The following FANCM variants were observed in gnomAD, a reference collection of about 807,000 sequenced individuals.
FANCM encodes the protein FA complementation group M, also known as Fanconi anemia group M protein.
Under a neutral mutation model 199.5 loss-of-function variants are expected in FANCM, and 140 were observed. That is an observed-to-expected ratio of 0.70 (90% CI 0.61 to 0.81). The LOEUF (loss-of-function observed/expected upper bound fraction) is 0.81. FANCM is among the 30% of genes least tolerant of loss of function. The pLI is 0.00. For missense variants in FANCM, 2,410 were observed against 2,421.4 expected (o/e 1.00, Z 0.10); for synonymous variants, 840 against 836.8 (o/e 1.00, Z -0.07).
chr14:45,175,909 A>T lies in FANCM; in HGVS notation c.3155A>T (p.Asn1052Ile). 6.2e-7 allele frequency: 1 copy of T among 1,613,220 alleles called. No homozygotes were observed. Among genetic ancestry groups the T allele is most frequent in the Non-Finnish European group, 8.5e-7 (1 of 1,179,346 alleles). ...AVNSQQNLELNSLKCINYPSE... is the reference protein window; with the variant it reads ...AVNSQQNLELISLKCINYPSE... ...AATTCTCAACAGAATTTAGAATTGA[A>T]TTCACTTAAATGTATAAATTATCCA... The change falls in exon 14 of 23, where the codon AAT becomes ATT. Residue 1052 changes from asparagine (N) to isoleucine (I), a missense_variant. By Grantham distance (149) the Asn-to-Ile change is moderately radical. Coordinates refer to ENST00000267430, the MANE Select transcript of FANCM (RefSeq NM_020937.4).
Position 45,183,843 on chromosome 14 carries a change from G to A in FANCM, c.4456G>A (p.Val1486Ile), listed in dbSNP as rs192438733. The A allele has an allele frequency of 4.3e-6, 7 of 1,610,750 alleles. No individual in the cohort carries two copies. In the African/African-American group the frequency reaches 9.3e-5, roughly 21 times the overall value. ...ATGTTCACAATTAGAAGACTTCAAG[G>A]TTTGTAACGGGAATGCCAGAAGAGG... The part of the protein sequence containing the change: ...KPCSQLEDFK[V>I]CNGNARRGIK... The change falls in exon 17 of 23, where the codon GTT (valine) becomes ATT (isoleucine). Residue 1486 changes from valine (V) to isoleucine (I), a missense_variant. Physicochemically the swap from Val to Ile is conservative, Grantham distance 29. Transcript: ENST00000267430.
chr14:45,144,140 A>G (rs1267673228), intron 3 of FANCM, among the ~76,000 whole-genome samples: 1 of 152,196 alleles, frequency 6.6e-6, no homozygotes, highest in Non-Finnish European at 1.5e-5. Context: ...ACATCAGGCT[A>G]ATGGGGTATC....
chr14:45,167,159 G>A lies in FANCM; in HGVS notation c.1998G>A (p.Arg666=), dbSNP rs1000888534. The A allele has an allele frequency of 3.1e-6, 5 of 1,599,778 alleles. No individual in the cohort carries two copies. In the African/African-American group the frequency reaches 5.4e-5, roughly 17 times the overall value. ...GAAAGTCATCTATCTTTTCCTATAG[G>A]GATGGTAAATAAATTTTGCATTTGA... ...LQRKSSIFSY[R]DGMRQSSLKK... The change falls in exon 11 of 23, where the codon AGG becomes AGA. Residue 666 remains arginine, a synonymous_variant. Transcript: ENST00000267430.
intron 3 of FANCM, among the ~76,000 whole-genome samples, chr14:45,141,774 G>C (rs10137848): frequency 0.031 from 4,643 of 151,560 alleles, 234 homozygotes; most frequent in African/African-American, 0.11. Flanking sequence ...ATTTTTAGTA[G>C]ACACGGGGTT....
At chr14:45,143,757 G>A (rs1255884955) in intron 3 of FANCM, among the ~76,000 whole-genome samples, 6 of 147,868 alleles carry the variant, frequency 4.1e-5, no homozygotes, top group African/African-American at 1.5e-4. Flanking sequence ...GCAGTGGCGC[G>A]ATCTCGGCTC....
intron 2 of FANCM, chr14:45,137,505 T>C (rs1885608536): frequency 6.7e-6 from 3 of 446,432 alleles, no homozygotes; most frequent in South Asian, 6.6e-5. Flanking sequence ...GTGTCAGATG[T>C]AGATCATGAG....
chr14:45,181,567 C>G (rs375277880), intron 15 of FANCM, 43 bp downstream of exon 15: 6 of 1,511,782 alleles, frequency 4.0e-6, no homozygotes, highest in Middle Eastern at 1.7e-4. Flanking sequence ...ATATCAAAGG[C>G]TATTTTCCTT....
At position 45,200,547 on chromosome 14, in the gene FANCM, G is replaced by GC. The variant is rs1248187972; in HGVS notation, c.*539_*540insC. The GC allele has an allele frequency of 6.6e-6, 1 of 152,564 alleles. No individual in the cohort carries two copies. Among genetic ancestry groups the GC allele is most frequent in the Non-Finnish European group, 1.5e-5 (1 of 68,328 alleles). The allele number at this position is 152,564 out of a possible 1,614,324, so 9.5% of individuals were successfully genotyped here. A position where few individuals can be genotyped will look rare whatever the true frequency, so the allele number is the denominator to read the frequency against. On this transcript the variant is annotated 3_prime_UTR_variant, in exon 23 of 23. Coordinates refer to ENST00000267430, the MANE Select transcript of FANCM (RefSeq NM_020937.4). ...CTGACCAAAGGTGTGTCCCAGTTAA[G>GC]TACTGTCAAATCTATTAATATGAAC... is the stretch of plus-strand genomic sequence containing the variant.
chr14:45,176,811 A>T lies in FANCM; in HGVS notation c.4057A>T (p.Ile1353Leu). The change falls in exon 14 of 23, where the codon ATA becomes TTA. Residue 1353 changes from isoleucine to leucine, a missense_variant. By Grantham distance (5) the Ile-to-Leu change is conservative. Coordinates refer to ENST00000267430, the MANE Select transcript of FANCM (RefSeq NM_020937.4). ...KSNTLNSFSK[I>L]RKEILKTPDS... ...AAACACATTGAACTCATTTTCTAAG[A>T]TAAGAAAGGAAATACTTAAGACACC... 1.2e-6 allele frequency: 2 copies of T among 1,606,864 alleles called. No homozygotes were observed. The highest frequency in any genetic ancestry group is 2.2e-5 in the South Asian group (2 of 89,788).
chr14:45,188,569 CTACCTGTTAT>C (rs1169481896), intron 19 of FANCM, among the ~76,000 whole-genome samples: 2 of 152,012 alleles, frequency 1.3e-5, no homozygotes, highest in Non-Finnish European at 2.9e-5. Flanking sequence ...TACTTTCTAC[CTACCTGTTAT>C]TAGCCCTTAA....
At chr14:45,137,323 G>A in intron 2 of FANCM, 82 bp downstream of exon 2, 1 of 1,064,790 alleles carries the variant, frequency 9.4e-7, no homozygotes, top group Non-Finnish European at 1.4e-6. Context: ...AGTGATGGAA[G>A]TTATTGACAA....
chr14:45,145,916 G>A (rs1284342187), intron 3 of FANCM, among the ~76,000 whole-genome samples: 2 of 151,440 alleles, frequency 1.3e-5, no homozygotes, highest in South Asian at 2.1e-4. Context: ...AAAATTAGCC[G>A]GGCGTAGTGG....
chr14:45,166,757 G>A (rs1407568644), intron 10 of FANCM, among the ~76,000 whole-genome samples, 193 bp from the exon 11 acceptor site: 2 of 144,278 alleles, frequency 1.4e-5, no homozygotes, highest in Non-Finnish European at 3.0e-5. Context: ...GAGCCTGGAT[G>A]ACAGAGTAAG....
intron 16 of FANCM, among the ~76,000 whole-genome samples, chr14:45,183,046 A>G (rs949236774): frequency 2.3e-4 from 35 of 152,298 alleles, no homozygotes; most frequent in Admixed American, 1.4e-3. Flanking sequence ...TCGAAAAATC[A>G]TTAAGTTGAA....
chr14:45,193,569 T>C (rs961747431), intron 20 of FANCM, among the ~76,000 whole-genome samples: 4 of 152,244 alleles, frequency 2.6e-5, no homozygotes, highest in Non-Finnish European at 4.4e-5. Context: ...TCGTTAATGA[T>C]ATAAAAGTCC....
intron 4 of FANCM, among the ~76,000 whole-genome samples, chr14:45,150,551 C>G (rs949971243): frequency 1.3e-5 from 2 of 152,182 alleles, no homozygotes; most frequent in Non-Finnish European, 2.9e-5. Context: ...TGCCATTAAG[C>G]TCATTTCCGC....
chr14:45,152,160 C>T (rs1383779058), intron 5 of FANCM, among the ~76,000 whole-genome samples: 1 of 151,656 alleles, frequency 6.6e-6, no homozygotes, highest in Non-Finnish European at 1.5e-5. Context: ...TCCCTAGTAG[C>T]TGGGACTACA....
intron 12 of FANCM, among the ~76,000 whole-genome samples, 168 bp downstream of exon 12, chr14:45,170,914 A>G (rs982266477): frequency 3.9e-5 from 6 of 152,198 alleles, no homozygotes; most frequent in African/African-American, 1.2e-4. Flanking sequence ...AGTGTAAGAA[A>G]TCATTAAAGT....
At chr14:45,189,511 A>G (rs187017168) in intron 20 of FANCM, 149 bp downstream of exon 20, 1 of 649,198 alleles carries the variant, frequency 1.5e-6, no homozygotes, top group Non-Finnish European at 2.7e-6. Context: ...CAAGAAAACA[A>G]TACACAAAAT....
Sources: allele counts gnomAD v4.1 joint callset (sites outside exome capture counted in the v4.1 genomes callset), GRCh38; gene constraint gnomAD v4.1.1; transcripts MANE v1.5; gene names NCBI Gene and HGNC (gene_info 2026-07-23, HGNC 2026-07-21).